The following GRSF1 variants were observed in gnomAD, a reference collection of about 807,000 sequenced individuals.
GRSF1 encodes G-rich RNA sequence binding factor 1, also known as G-rich sequence factor 1.
A neutral mutation model predicts 51.1 loss-of-function variants in GRSF1; 50 were observed. The ratio of observed to expected loss-of-function variants is 0.98; its 90% CI spans 0.78 to 1.24. The LOEUF is 1.24. GRSF1 is among the 50% of genes most tolerant of loss of function. The pLI is 0.00. For synonymous variants in GRSF1, 293 were observed against 253.3 expected (o/e 1.16, Z -1.49); for missense variants, 700 against 639.7 (o/e 1.09, Z -1.02).
In GRSF1 at chr4:70,818,675, G is replaced by A. The variant is rs376358214; in HGVS notation, c.*2212C>T. On this transcript the variant is annotated 3_prime_UTR_variant, in exon 10 of 10. Coordinates refer to ENST00000254799, the MANE Select transcript of GRSF1 (RefSeq NM_002092.4). ...CCTGGTATTTACATACTGCTTCTCA[G>A]AGTTCTCCCTTGCACTCCGTAAGCA... The A allele has an allele frequency of 2.0e-5, 3 of 152,274 alleles. No homozygotes were observed. Among genetic ancestry groups the A allele is most frequent in the East Asian group, 3.9e-4 (2 of 5,180 alleles). The allele number at this position is 152,274 out of a possible 1,614,324, so 9.4% of individuals were successfully genotyped here.
At chr4:70,838,934 GA>G (rs933137404) in intron 1 of GRSF1, 32 of 348,764 alleles carry the variant, frequency 9.2e-5, no homozygotes, top group African/African-American at 6.3e-4. Flanking sequence ...TTTCCCTGGG[GA>G]CAGGAGAGGG....
In GRSF1 at chr4:70,836,266, C is replaced by T; in HGVS notation, c.406G>A (p.Glu136Lys). 3.7e-6 allele frequency: 6 copies of T among 1,606,236 alleles called. No individual in the cohort carries two copies. Among genetic ancestry groups the T allele is most frequent in the Non-Finnish European group, 5.1e-6 (6 of 1,177,530 alleles). ...TCTTCTAACTTGGACGGGGCCAATT[C>T]ATACTCAGGGGGTGGTGGAAGGTCT... ...LEDLPPPPEY[E>K]LAPSKLEEEV... Residue 136 changes from glutamate to lysine, a missense_variant, in exon 2 of 10, where the codon GAA becomes AAA. Transcript: ENST00000254799.
chr4:70,841,887 C>G (rs1734467909), upstream of GRSF1, among the ~76,000 whole-genome samples: 1 of 152,112 alleles, frequency 6.6e-6, no homozygotes, highest in Non-Finnish European at 1.5e-5. Context: ...AAAACAGGGA[C>G]AAAAGAAAAG....
chr4:70,835,949 A>C (rs1289296091), intron 2 of GRSF1, among the ~76,000 whole-genome samples: 1 of 152,180 alleles, frequency 6.6e-6, no homozygotes, highest in East Asian at 1.9e-4. Context: ...CATACCGCAA[A>C]CAGCACACAT....
chr4:70,823,924 G>T (rs1161103858), intron 9 of GRSF1, among the ~76,000 whole-genome samples: 2 of 149,622 alleles, frequency 1.3e-5, no homozygotes, highest in Admixed American at 6.7e-5. Flanking sequence ...ATTAGTGAGT[G>T]AATGATTATT....
Position 70,839,471 on chromosome 4 carries a change from C to T in GRSF1, c.357G>A (p.Gln119=), listed in dbSNP as rs1211106488. The T allele has an allele frequency of 2.1e-6, 3 of 1,429,044 alleles. No individual in the cohort carries two copies. The highest frequency in any genetic ancestry group is 1.4e-5 in the South Asian group (1 of 72,010). The allele number at this position is 1,429,044 out of a possible 1,614,324, so 88.5% of individuals were successfully genotyped here. The change falls in exon 1 of 10, where the codon CAG becomes CAA. Residue 119 remains glutamine, a splice_region_variant and synonymous_variant. Transcript: ENST00000254799. ...AAAVPTRSYS[Q]ESKTTYLEDL... is the part of the protein sequence containing the mutation. The stretch of plus-strand genomic sequence containing the variant: ...CAGGTCCCTCACGGCGCCCACGTAC[C>T]TGGCTGTAGCTGCGCGTCGGGACGG...
chr4:70,832,153 C>G (rs1319539857), intron 4 of GRSF1, among the ~76,000 whole-genome samples, 154 bp downstream of exon 4: 2 of 152,044 alleles, frequency 1.3e-5, no homozygotes, highest in African/African-American at 4.8e-5. Context: ...CATATAAAAT[C>G]TATAAATATT....
chr4:70,826,874 T>C (rs903426985), intron 6 of GRSF1, among the ~76,000 whole-genome samples: 1 of 151,986 alleles, frequency 6.6e-6, no homozygotes, highest in Non-Finnish European at 1.5e-5. Flanking sequence ...TATACACATA[T>C]ATATAGTGAC....
intron 2 of GRSF1, among the ~76,000 whole-genome samples, chr4:70,835,137 T>A (rs1201331346): frequency 1.3e-5 from 2 of 152,008 alleles, no homozygotes; most frequent in South Asian, 2.1e-4. Flanking sequence ...CTCTTTGTTA[T>A]GGCTACGTAG....
rs920475293 is a variant in GRSF1 at position 70,824,466 on chromosome 4, G to A, written c.1394-98C>T. ...GTTCAGACAGCAACTCAAACCCTTT[G>A]CCCTTTCCTTTCCCTAATTAAAAAC... On this transcript the variant is annotated intron_variant, in intron 8 of 9. Coordinates refer to ENST00000254799, the MANE Select transcript of GRSF1 (RefSeq NM_002092.4). 4 of 673,538 alleles carry A rather than the reference G, an allele frequency of 5.9e-6. No individual in the cohort carries two copies. In the Admixed American group the frequency reaches 9.3e-5, roughly 16 times the overall value. The allele number at this position is 673,538 out of a possible 1,614,324, so 41.7% of individuals were successfully genotyped here.
chr4:70,839,153 C>T (rs565937477), intron 1 of GRSF1: 1 of 1,331,604 alleles, frequency 7.5e-7, no homozygotes, highest in African/African-American at 1.5e-5. Context: ...GAGGTGGGGG[C>T]GTCAGCAGCC....
intron 2 of GRSF1, among the ~76,000 whole-genome samples, chr4:70,833,564 G>A (rs1734069630): frequency 6.6e-6 from 1 of 152,136 alleles, no homozygotes; most frequent in Non-Finnish European, 1.5e-5. Flanking sequence ...CTATTGCAAT[G>A]TTTCTACAAT....
chr4:70,827,714 G>C, intron 6 of GRSF1, 138 bp downstream of exon 6: 1 of 637,750 alleles, frequency 1.6e-6, no homozygotes. Context: ...AGGAGGTAGA[G>C]GCTGCAGTCA....
rs566533187 is a variant in GRSF1 at position 70,826,753 on chromosome 4, T to A, written c.1136-508A>T. Among the ~76,000 whole-genome samples the A allele has an allele frequency of 8.0e-4, 122 of 151,634 alleles. 2 individuals are homozygous for A. In the South Asian group the frequency reaches 0.025, roughly 32 times the overall value. The stretch of plus-strand genomic sequence containing the variant: ...GTTCCAGCTACTCAGGAGGCTGGGG[T>A]GGAAGAACTGCCTGAGCCCAGGAGT... On this transcript the variant is annotated intron_variant, in intron 6 of 9. Coordinates refer to ENST00000254799, the MANE Select transcript of GRSF1 (RefSeq NM_002092.4).
Position 70,839,875 on chromosome 4 carries a change from A to T in GRSF1, c.-48T>A, listed in dbSNP as rs890214577. The T allele has an allele frequency of 3.5e-6, 5 of 1,412,512 alleles. No homozygotes were observed. Among genetic ancestry groups the T allele is most frequent in the South Asian group, 1.4e-5 (1 of 69,922 alleles). The allele number at this position is 1,412,512 out of a possible 1,614,324, so 87.5% of individuals were successfully genotyped here. Reference sequence around the variant, plus strand: ...CCTGAAGGCAGCTGCTCCAGCAGCGATGGTGGAACGGAAGTGGAATCCAGG... The same window carrying T: ...CCTGAAGGCAGCTGCTCCAGCAGCGTTGGTGGAACGGAAGTGGAATCCAGG... On this transcript the variant is annotated 5_prime_UTR_variant, in exon 1 of 10. Transcript: ENST00000254799.
At chr4:70,824,114 G>A (rs920276028) in intron 9 of GRSF1, among the ~76,000 whole-genome samples, 180 bp downstream of exon 9, 2 of 151,758 alleles carry the variant, frequency 1.3e-5, no homozygotes, top group African/African-American at 4.8e-5. Flanking sequence ...GGAATTACAG[G>A]CACCCACCAT....
At chr4:70,832,263 G>GA in intron 4 of GRSF1, 44 bp downstream of exon 4, 12 of 1,571,210 alleles carry the variant, frequency 7.6e-6, no homozygotes, top group South Asian at 2.3e-5. Flanking sequence ...GATACCAAGG[G>GA]AAAAAAGATA....
At chr4:70,839,925 G>A (rs1734403667), upstream of GRSF1, 4 of 1,152,552 alleles carry the variant, frequency 3.5e-6, no homozygotes, top group Non-Finnish European at 2.3e-6. Flanking sequence ...GGGTGTGCCT[G>A]GCACATGCGC....
Position 70,839,460 on chromosome 4 carries a change from C to T in GRSF1, c.357+11G>A, listed in dbSNP as rs1209847519. The T allele has an allele frequency of 1.4e-6, 2 of 1,460,304 alleles. No individual in the cohort carries two copies. The highest frequency in any genetic ancestry group is 2.8e-5 in the East Asian group (1 of 36,320). The allele number at this position is 1,460,304 out of a possible 1,614,324, so 90.5% of individuals were successfully genotyped here. On this transcript the variant is annotated intron_variant, in intron 1 of 9. Coordinates refer to ENST00000254799, the MANE Select transcript of GRSF1 (RefSeq NM_002092.4). ...GGATCTCGCGCCAGGTCCCTCACGG[C>T]GCCCACGTACCTGGCTGTAGCTGCG...
Sources: allele counts gnomAD v4.1 joint callset (sites outside exome capture counted in the v4.1 genomes callset), GRCh38; gene constraint gnomAD v4.1.1; transcripts MANE v1.5; gene names NCBI Gene and HGNC (gene_info 2026-07-23, HGNC 2026-07-21).